Variants in PKHD1 observed in about 807,000 individuals in gnomAD.
PKHD1 encodes fibrocystin.
In PKHD1, 291 loss-of-function variants were observed where a neutral mutation model predicts 412.0. That is an observed-to-expected ratio of 0.71 (90% CI 0.64 to 0.78). The LOEUF (loss-of-function observed/expected upper bound fraction) is 0.78, where lower values mean the gene tolerates loss of function less well. Among genes scored for constraint, PKHD1 ranks in the 30% least tolerant of loss-of-function variants. PKHD1 has a pLI of 0.00. For synonymous variants in PKHD1, 1,777 were observed against 1,821.5 expected (o/e 0.98, Z 0.62); for missense variants, 4,825 against 4,950.7 (o/e 0.97, Z 0.76).
At chr6:51,739,986 C>G (rs201756599) in intron 60 of PKHD1, 2 of 518,918 alleles carry the variant, frequency 3.9e-6, no homozygotes, top group Middle Eastern at 3.2e-4. Context: ...CTAATTCTAC[C>G]TGAATGGGAC....
Position 51,618,869 on chromosome 6 carries a change from G to C in PKHD1, c.*212C>G, listed in dbSNP as rs1055749670. 2.2e-5 allele frequency: 13 copies of C among 599,876 alleles called. No individual in the cohort carries two copies. Among genetic ancestry groups the C allele is most frequent in the Non-Finnish European group, 3.5e-5 (12 of 338,038 alleles). The allele number at this position is 599,876 out of a possible 1,614,324, so 37.2% of individuals were successfully genotyped here. On this transcript the variant is annotated 3_prime_UTR_variant, in exon 67 of 67. Transcript: ENST00000371117. ...CCATTATTTGCCTAGCATTGAACTA[G>C]GATCATGATAGCTGCAAAATATGTA...
chr6:51,779,255 T>C (rs1791573101), intron 53 of PKHD1, among the ~76,000 whole-genome samples: 1 of 152,148 alleles, frequency 6.6e-6, no homozygotes. Context: ...AGCTGAAACA[T>C]ACAAGTCCCC....
At chr6:51,723,339 C>T (rs1782161798) in intron 60 of PKHD1, among the ~76,000 whole-genome samples, 1 of 152,156 alleles carries the variant, frequency 6.6e-6, no homozygotes, top group African/African-American at 2.4e-5. Flanking sequence ...TTCTCCTTAA[C>T]ACAAACAGAG....
intron 37 of PKHD1, among the ~76,000 whole-genome samples, chr6:51,930,352 CAG>C (rs1491397255): frequency 1.4e-5 from 2 of 143,504 alleles, no homozygotes. Flanking sequence ...TACTCTCAAA[CAG>C]AAACAGAAAA....
intron 7 of PKHD1, among the ~76,000 whole-genome samples, chr6:52,073,081 A>G (rs932861127): frequency 4.6e-5 from 7 of 152,222 alleles, no homozygotes; most frequent in African/African-American, 1.7e-4. Flanking sequence ...TAAAGCACAA[A>G]TGGATAACAA....
chr6:51,716,638 T>C (rs527478494), intron 60 of PKHD1, among the ~76,000 whole-genome samples: 8 of 152,220 alleles, frequency 5.3e-5, no homozygotes, highest in Admixed American at 2.0e-4. Flanking sequence ...AGTATATGTA[T>C]AACTGAGTTC....
At chr6:51,789,875 G>A (rs1182597369) in intron 53 of PKHD1, among the ~76,000 whole-genome samples, 1 of 152,150 alleles carries the variant, frequency 6.6e-6, no homozygotes, top group Admixed American at 6.5e-5. Context: ...TGGCTCAAGG[G>A]GAAGAGCCTG....
intron 36 of PKHD1, among the ~76,000 whole-genome samples, chr6:51,939,907 T>C (rs989327181): frequency 6.6e-6 from 1 of 151,508 alleles, no homozygotes; most frequent in African/African-American, 2.4e-5. Flanking sequence ...ACCTCCCTCA[T>C]CACACCAGGT....
chr6:52,030,759 G>C (rs1802918286), intron 29 of PKHD1, among the ~76,000 whole-genome samples: 1 of 152,176 alleles, frequency 6.6e-6, no homozygotes, highest in African/African-American at 2.4e-5. Flanking sequence ...CTGGGACAGA[G>C]AGCTCCAAAG....
chr6:51,859,525 CAAAAAAA>C (rs10638642), intron 48 of PKHD1, among the ~76,000 whole-genome samples: 2 of 114,678 alleles, frequency 1.7e-5, no homozygotes, highest in Non-Finnish European at 3.4e-5. Flanking sequence ...GATTCCGTCC[CAAAAAAA>C]AAAAAAAAAA....
intron 60 of PKHD1, among the ~76,000 whole-genome samples, chr6:51,708,572 A>T (rs1250798388): frequency 2.0e-5 from 3 of 152,204 alleles, no homozygotes; most frequent in Non-Finnish European, 4.4e-5. Flanking sequence ...TCATGTTCCA[A>T]TATCATCTTG....
intron 57 of PKHD1, 74 bp downstream of exon 57, chr6:51,753,127 C>T (rs925892032): frequency 2.0e-5 from 26 of 1,295,518 alleles, no homozygotes; most frequent in African/African-American, 2.9e-5. Context: ...AAAATTCTCA[C>T]AGTTGGGATT....
intron 37 of PKHD1, among the ~76,000 whole-genome samples, chr6:51,914,798 C>T (rs1783517384): frequency 6.6e-6 from 1 of 152,064 alleles, no homozygotes; most frequent in Non-Finnish European, 1.5e-5. Flanking sequence ...TTAACCGGAT[C>T]GTCCTGCCTC....
intron 60 of PKHD1, among the ~76,000 whole-genome samples, chr6:51,694,564 T>TC (rs1778571501): frequency 7.1e-6 from 1 of 140,054 alleles, no homozygotes; most frequent in East Asian, 2.1e-4. Context: ...TTTTTTTTTT[T>TC]TTTTTTTTTT....
At chr6:51,941,657 A>G (rs1229866228) in intron 36 of PKHD1, among the ~76,000 whole-genome samples, 4 of 151,044 alleles carry the variant, frequency 2.6e-5, no homozygotes, top group Non-Finnish European at 4.4e-5. Context: ...TCTGTGCCTT[A>G]TCAACCAAAT....
chr6:52,076,851 A>G (rs1457990791), intron 5 of PKHD1, among the ~76,000 whole-genome samples: 2 of 152,230 alleles, frequency 1.3e-5, no homozygotes, highest in Non-Finnish European at 2.9e-5. Flanking sequence ...GAAACTGGAT[A>G]GGCACACAAC....
chr6:51,921,506 A>G (rs1419222567), intron 37 of PKHD1, among the ~76,000 whole-genome samples: 1 of 152,164 alleles, frequency 6.6e-6, no homozygotes, highest in East Asian at 1.9e-4. Flanking sequence ...CTCCTGGATA[A>G]TATCCTGAAG....
intron 49 of PKHD1, among the ~76,000 whole-genome samples, chr6:51,849,271 A>T (rs1024318101): frequency 6.6e-6 from 1 of 152,202 alleles, no homozygotes; most frequent in African/African-American, 2.4e-5. Context: ...CATGATGTGT[A>T]TGTACCACAT....
intron 60 of PKHD1, among the ~76,000 whole-genome samples, chr6:51,698,313 T>A (rs1335879455): frequency 6.6e-6 from 1 of 152,218 alleles, no homozygotes; most frequent in Non-Finnish European, 1.5e-5. Context: ...GCATTCTTAA[T>A]TATTTGGGAT....
Sources: gnomAD v4.1 joint callset for allele counts (sites outside exome capture counted in the v4.1 genomes callset) on GRCh38, gnomAD v4.1.1 for gene constraint, MANE v1.5 for transcripts, NCBI Gene and HGNC (gene_info 2026-07-23, HGNC 2026-07-21) for gene names.